TGFBR3: variants seen among roughly 807,000 people sequenced by gnomAD.
TGFBR3 encodes the protein transforming growth factor beta receptor type 3.
Under a neutral mutation model 87.9 loss-of-function variants are expected in TGFBR3, and 46 were observed. The observed-to-expected ratio is 0.52, with a 90% CI of 0.41 to 0.67. The LOEUF (loss-of-function observed/expected upper bound fraction) is 0.67. Ranked by LOEUF, TGFBR3 falls within the 30% of genes least tolerant of loss-of-function variation. TGFBR3 has a pLI of 0.00. For synonymous variants in TGFBR3, 381 were observed against 391.6 expected (o/e 0.97, Z 0.32); for missense variants, 866 against 1,041.9 (o/e 0.83, Z 2.32).
chr1:91,859,908 C>CAAAAAAAAAAAAA (rs544117317), intron 2 of TGFBR3, among the ~76,000 whole-genome samples: 2 of 85,596 alleles, frequency 2.3e-5, no homozygotes, highest in African/African-American at 8.8e-5. Flanking sequence ...GACTCCATCT[C>CAAAAAAAAAAAAA]AAAAAAAAAA....
At chr1:91,770,095 G>A (rs1674323449) in intron 3 of TGFBR3, among the ~76,000 whole-genome samples, 2 of 152,236 alleles carry the variant, frequency 1.3e-5, no homozygotes, top group Non-Finnish European at 2.9e-5. Flanking sequence ...CAAAGGTCTG[G>A]AGAGAAACTC....
At chr1:91,841,827 A>G (rs10747477) in intron 2 of TGFBR3, among the ~76,000 whole-genome samples, 146,068 of 147,500 alleles carry the variant, frequency 0.99, 72,342 homozygotes, top group Middle Eastern at 1. Flanking sequence ...GTTTTAGGCC[A>G]GGTGGAGTGG....
chr1:91,832,477 A>G (rs1036065133), intron 2 of TGFBR3, among the ~76,000 whole-genome samples: 4 of 152,238 alleles, frequency 2.6e-5, no homozygotes, highest in Admixed American at 6.5e-5. Flanking sequence ...AGCATTTGAC[A>G]TGTATTAACA....
At chr1:91,747,793 G>C (rs186562828) in intron 4 of TGFBR3, among the ~76,000 whole-genome samples, 2 of 152,328 alleles carry the variant, frequency 1.3e-5, no homozygotes, top group East Asian at 3.9e-4. Flanking sequence ...GCCATTAAGA[G>C]CACACCCAAG....
At chr1:91,853,295 A>G (rs982258251) in intron 2 of TGFBR3, among the ~76,000 whole-genome samples, 5 of 151,634 alleles carry the variant, frequency 3.3e-5, no homozygotes, top group Non-Finnish European at 5.9e-5. Flanking sequence ...AGAAGAAGAA[A>G]AAAAGGGGAG....
intron 4 of TGFBR3, among the ~76,000 whole-genome samples, chr1:91,753,731 T>C (rs1372701871): frequency 1.3e-5 from 2 of 152,226 alleles, no homozygotes; most frequent in Non-Finnish European, 2.9e-5. Context: ...CTGGCTTCTT[T>C]CACTTAGTAT....
intron 16 of TGFBR3, among the ~76,000 whole-genome samples, chr1:91,686,139 C>G (rs943138538): frequency 2.0e-5 from 3 of 152,148 alleles, no homozygotes; most frequent in African/African-American, 4.8e-5. Context: ...CCAGGATCTG[C>G]CCTGTGCTTG....
intron 4 of TGFBR3, among the ~76,000 whole-genome samples, chr1:91,757,430 G>A (rs1421665382): frequency 1.3e-5 from 2 of 152,128 alleles, no homozygotes; most frequent in African/African-American, 2.4e-5. Context: ...TTTTTTATGT[G>A]TAATTAATAA....
rs539188991 is a variant in TGFBR3, at chr1:91,700,196, T to C, written c.2288-2066A>G. ...TCCCTTACAGAAAAAGTGTGCTGAGTCCTGCTACAGACCTTGACCCTACTC... is the reference window on the plus strand; with the variant it reads ...TCCCTTACAGAAAAAGTGTGCTGAGCCCTGCTACAGACCTTGACCCTACTC... On this transcript the variant is annotated intron_variant, in intron 14 of 16. Transcript: ENST00000212355. Among the ~76,000 whole-genome samples, 9 of 152,230 alleles carry C rather than the reference T, an allele frequency of 5.9e-5. 1 individual carries two copies. In the South Asian group the frequency reaches 1.9e-3, roughly 32 times the overall value.
intron 2 of TGFBR3, among the ~76,000 whole-genome samples, chr1:91,801,277 G>A (rs1376712814): frequency 6.6e-6 from 1 of 152,176 alleles, no homozygotes; most frequent in Non-Finnish European, 1.5e-5. Context: ...CAAAGCTTCA[G>A]ACTTGGCCCT....
At chr1:91,751,577 G>C (rs1673542332) in intron 4 of TGFBR3, among the ~76,000 whole-genome samples, 1 of 151,850 alleles carries the variant, frequency 6.6e-6, no homozygotes, top group Non-Finnish European at 1.5e-5. Flanking sequence ...GTGCAGACCA[G>C]AGAACTGCCT....
chr1:91,727,704 G>A lies in TGFBR3; in HGVS notation c.840C>T (p.Asn280=). ...TAACATCAAAAGATTTGATCACCCA[G>A]TTGACAGACTTTTTGCACTTCAAGA... ...ILILKCKKSV[N]WVIKSFDVKG... is the part of the protein sequence containing the mutation. The change falls in exon 7 of 17, where the codon AAC becomes AAT. Residue 280 remains asparagine, a synonymous_variant. Coordinates refer to ENST00000212355, the MANE Select transcript of TGFBR3 (RefSeq NM_003243.5). 3 of 1,614,104 alleles carry A rather than the reference G, an allele frequency of 1.9e-6. No homozygotes were observed. The highest frequency in any genetic ancestry group is 1.6e-4 in the Middle Eastern group (1 of 6,062).
chr1:91,743,114 G>T (rs1250382700), intron 4 of TGFBR3, among the ~76,000 whole-genome samples: 3 of 152,134 alleles, frequency 2.0e-5, no homozygotes, highest in Non-Finnish European at 2.9e-5. Context: ...AAGTGTACAA[G>T]TCCCAGCTAA....
At chr1:91,777,850 T>C (rs1207229009) in intron 3 of TGFBR3, among the ~76,000 whole-genome samples, 1 of 152,186 alleles carries the variant, frequency 6.6e-6, no homozygotes, top group Admixed American at 6.5e-5. Flanking sequence ...TTTGCACCGG[T>C]GCCCAGTTCA....
chr1:91,876,180 G>A (rs1000578167), intron 1 of TGFBR3, among the ~76,000 whole-genome samples: 2 of 152,064 alleles, frequency 1.3e-5, no homozygotes, highest in Non-Finnish European at 2.9e-5. Flanking sequence ...AGCACCAAGA[G>A]CTAAAACACA....
intron 7 of TGFBR3, 73 bp from the exon 8 acceptor site, chr1:91,722,217 C>A: frequency 2.5e-6 from 3 of 1,183,600 alleles, no homozygotes; most frequent in Non-Finnish European, 3.7e-6. Flanking sequence ...AATTAAATAT[C>A]TTAAATAAGT....
At chr1:91,856,126 G>A (rs954065096) in intron 2 of TGFBR3, among the ~76,000 whole-genome samples, 2 of 152,050 alleles carry the variant, frequency 1.3e-5, no homozygotes, top group East Asian at 1.9e-4. Flanking sequence ...GCAGTGGCGC[G>A]ATCTCAGCTC....
rs189113180 is a variant in TGFBR3, at chr1:91,797,969, G to C, written c.62-498C>G. Among the ~76,000 whole-genome samples the C allele has an allele frequency of 2.6e-5, 4 of 152,274 alleles. No homozygotes were observed. The East Asian group carries it at 7.7e-4, about 29-fold the overall frequency. ...AAGATGTAACATGTAGAGGCGATCA[G>C]GGCCAGAGCTGTACAGCAAAATTTG... is the stretch of plus-strand genomic sequence containing the variant. On this transcript the variant is annotated intron_variant, in intron 2 of 16. Coordinates refer to ENST00000212355, the MANE Select transcript of TGFBR3 (RefSeq NM_003243.5).
At chr1:91,841,265 A>C (rs915706875) in intron 2 of TGFBR3, among the ~76,000 whole-genome samples, 16 of 152,228 alleles carry the variant, frequency 1.1e-4, no homozygotes, top group African/African-American at 3.4e-4. Context: ...TTCCTCAAGA[A>C]AATCATTGTA....
Sources: gnomAD v4.1 joint callset for allele counts (sites outside exome capture counted in the v4.1 genomes callset) on GRCh38, gnomAD v4.1.1 for gene constraint, MANE v1.5 for transcripts, NCBI Gene and HGNC (gene_info 2026-07-23, HGNC 2026-07-21) for gene names.